PTPRD: variants seen among roughly 807,000 people sequenced by gnomAD.
PTPRD encodes the protein receptor-type tyrosine-protein phosphatase delta.
Under a neutral mutation model 214.5 loss-of-function variants are expected in PTPRD, and 34 were observed. The observed-to-expected ratio is 0.16, with a 90% confidence interval of 0.12 to 0.21. PTPRD has a LOEUF of 0.21. PTPRD is among the 10% of genes least tolerant of loss of function. The pLI is 1.00. For synonymous variants in PTPRD, 1,128 were observed against 845.7 expected (o/e 1.33, Z -5.79); for missense variants, 2,545 against 2,398.7 (o/e 1.06, Z -1.27).
At chr9:10,540,497 C>T (rs780697825) in intron 2 of PTPRD, among the ~76,000 whole-genome samples, 2 of 152,098 alleles carry the variant, frequency 1.3e-5, no homozygotes, top group Non-Finnish European at 2.9e-5. Flanking sequence ...TACTCCTTTT[C>T]CCATGTATAA....
intron 8 of PTPRD, among the ~76,000 whole-genome samples, chr9:9,534,434 T>A (rs539861633): frequency 4.4e-4 from 67 of 152,090 alleles, no homozygotes; most frequent in African/African-American, 1.6e-3. Flanking sequence ...AAAAGCACAA[T>A]TGGGAAATAG....
chr9:10,060,754 G>A (rs1480878415), intron 3 of PTPRD, among the ~76,000 whole-genome samples: 1 of 151,332 alleles, frequency 6.6e-6, no homozygotes, highest in African/African-American at 2.4e-5. Flanking sequence ...CCCACCATCA[G>A]CATACCAATC....
chr9:9,072,926 A>C (rs1267722660), intron 10 of PTPRD, among the ~76,000 whole-genome samples: 1 of 152,224 alleles, frequency 6.6e-6, no homozygotes, highest in African/African-American at 2.4e-5. Flanking sequence ...AAGGCATATA[A>C]AAAATTACGT....
At chr9:10,510,775 GC>G (rs1230763592) in intron 2 of PTPRD, among the ~76,000 whole-genome samples, 1 of 151,904 alleles carries the variant, frequency 6.6e-6, no homozygotes, top group Non-Finnish European at 1.5e-5. Flanking sequence ...AACTATAGTT[GC>G]CCTATTGTGC....
chr9:8,974,612 T>C (rs891291682), intron 11 of PTPRD, among the ~76,000 whole-genome samples: 1 of 152,048 alleles, frequency 6.6e-6, no homozygotes, highest in African/African-American at 2.4e-5. Context: ...TTCCCTTCAC[T>C]GGATTATCTG....
intron 7 of PTPRD, among the ~76,000 whole-genome samples, chr9:9,615,900 G>A (rs914666044): frequency 6.6e-6 from 1 of 152,196 alleles, no homozygotes; most frequent in Non-Finnish European, 1.5e-5. Context: ...TAGGATGGCT[G>A]TGTGTATAAC....
At position 9,355,886 on chromosome 9, in the gene PTPRD, A is replaced by G. The variant is rs78225279; in HGVS notation, c.-203+41563T>C. ...AAACCAGTGAAACAGAAGAAAAGCC[A>G]AAGTGTGTAGTATCACAGACGCCAA... is the stretch of plus-strand genomic sequence containing the variant. On this transcript the variant is annotated intron_variant, in intron 9 of 45. Transcript: ENST00000381196. Among the ~76,000 whole-genome samples the G allele has an allele frequency of 2.7e-3, 414 of 151,646 alleles. 2 individuals are homozygous for G. Among genetic ancestry groups the G allele is most frequent in the African/African-American group, 9.2e-3 (383 of 41,484 alleles).
intron 9 of PTPRD, among the ~76,000 whole-genome samples, chr9:9,245,488 A>C (rs571608308): frequency 6.6e-6 from 1 of 152,114 alleles, no homozygotes; most frequent in Non-Finnish European, 1.5e-5. Flanking sequence ...ATGAAGCTGG[A>C]AACCATCATT....
intron 3 of PTPRD, among the ~76,000 whole-genome samples, chr9:10,318,985 C>T (rs1458110027): frequency 6.6e-6 from 1 of 152,050 alleles, no homozygotes; most frequent in Non-Finnish European, 1.5e-5. Flanking sequence ...CATGTTGTTG[C>T]TGCTGCTGCT....
At chr9:8,493,999 G>GACACACACAC (rs780088083) in intron 26 of PTPRD, among the ~76,000 whole-genome samples, 7 of 141,994 alleles carry the variant, frequency 4.9e-5, no homozygotes, top group African/African-American at 1.8e-4. Context: ...GACACACACA[G>GACACACACAC]ACACACAGAC....
At chr9:8,805,678 C>G (rs1364243458) in intron 11 of PTPRD, among the ~76,000 whole-genome samples, 1 of 151,344 alleles carries the variant, frequency 6.6e-6, no homozygotes. Context: ...TCTCGGCTCA[C>G]AGCAACCTCC....
At chr9:9,322,959 G>C (rs1967315084) in intron 9 of PTPRD, among the ~76,000 whole-genome samples, 1 of 152,004 alleles carries the variant, frequency 6.6e-6, no homozygotes, top group Non-Finnish European at 1.5e-5. Flanking sequence ...TATTCTGTTA[G>C]GTTTTTAAAA....
intron 8 of PTPRD, among the ~76,000 whole-genome samples, chr9:9,435,819 A>G (rs1025855784): frequency 2.4e-4 from 37 of 152,302 alleles, no homozygotes; most frequent in African/African-American, 8.4e-4. Flanking sequence ...AAACTAACTT[A>G]TCATTTAAGT....
intron 4 of PTPRD, among the ~76,000 whole-genome samples, chr9:9,982,482 GTGTGT>G (rs551454929): frequency 4.9e-4 from 4 of 8,218 alleles, no homozygotes; most frequent in Non-Finnish European, 1.4e-3. Flanking sequence ...GGTGGTGTGT[GTGTGT>G]GTGTGTGTGT....
chr9:8,338,692 C>T (rs1019362597), intron 43 of PTPRD, among the ~76,000 whole-genome samples: 2 of 151,898 alleles, frequency 1.3e-5, no homozygotes, highest in African/African-American at 4.8e-5. Flanking sequence ...GTTGAGCTGC[C>T]AGATGTTATG....
intron 5 of PTPRD, among the ~76,000 whole-genome samples, chr9:9,789,706 A>G (rs2098952766): frequency 1.4e-5 from 2 of 142,416 alleles, no homozygotes; most frequent in Admixed American, 1.5e-4. Flanking sequence ...CTGAGGAAGG[A>G]GAATGGCGTG....
intron 35 of PTPRD, among the ~76,000 whole-genome samples, chr9:8,417,677 C>T (rs1339896459): frequency 6.6e-6 from 1 of 152,096 alleles, no homozygotes; most frequent in Non-Finnish European, 1.5e-5. Context: ...TTACCATCAC[C>T]TTTTCAAGTA....
At chr9:9,044,448 G>A (rs555034497) in intron 10 of PTPRD, among the ~76,000 whole-genome samples, 10 of 152,216 alleles carry the variant, frequency 6.6e-5, no homozygotes, top group Admixed American at 1.3e-4. Flanking sequence ...TCAGTAATAT[G>A]AGATTCCTCA....
At chr9:9,984,929 G>T (rs1349252290) in intron 4 of PTPRD, among the ~76,000 whole-genome samples, 2 of 152,106 alleles carry the variant, frequency 1.3e-5, no homozygotes, top group African/African-American at 2.4e-5. Context: ...CCTTCTTCCT[G>T]CAATGTGCCC....
Sources: allele counts gnomAD v4.1 joint callset (sites outside exome capture counted in the v4.1 genomes callset), GRCh38; gene constraint gnomAD v4.1.1; transcripts MANE v1.5; gene names NCBI Gene and HGNC (gene_info 2026-07-23, HGNC 2026-07-21).